ZFP91: variants seen among roughly 807,000 people sequenced by gnomAD.
The protein encoded by ZFP91 is ZFP91 zinc finger protein, atypical E3 ubiquitin ligase, also known as E3 ubiquitin-protein ligase ZFP91.
ZFP91 carries 7 observed loss-of-function variants against 63.5 expected under a neutral mutation model. The ratio of observed to expected loss-of-function variants is 0.11; its 90% CI spans 0.06 to 0.21. The LOEUF (loss-of-function observed/expected upper bound fraction) is 0.21. ZFP91 is among the 10% of genes least tolerant of loss of function. ZFP91 has a pLI of 1.00. For missense variants in ZFP91, 628 were observed against 736.6 expected, an observed-to-expected ratio of 0.85 and a Z score of 1.71; for synonymous variants, 330 against 272.1, an observed-to-expected ratio of 1.21 and a Z score of -2.10.
chr11:58,606,073 G>GT (rs1289064724), intron 2 of ZFP91, among the ~76,000 whole-genome samples: 1 of 151,142 alleles, frequency 6.6e-6, no homozygotes, highest in Non-Finnish European at 1.5e-5. Flanking sequence ...TTCCTTTTTT[G>GT]TGGGGGGGGT....
intron 2 of ZFP91, among the ~76,000 whole-genome samples, chr11:58,591,495 G>A (rs889226673): frequency 5.3e-5 from 8 of 151,780 alleles, no homozygotes; most frequent in Non-Finnish European, 1.0e-4. Context: ...TACAATTTAG[G>A]GATCTTGGTA....
Position 58,617,819 on chromosome 11 carries a change from CT to C in ZFP91, c.*114del. The C allele has an allele frequency of 1.4e-6, 2 of 1,387,236 alleles. No individual in the cohort carries two copies. Among genetic ancestry groups the C allele is most frequent in the South Asian group, 1.8e-5 (1 of 54,636 alleles). The allele number at this position is 1,387,236 out of a possible 1,614,324, so 85.9% of individuals were successfully genotyped here. On this transcript the variant is annotated 3_prime_UTR_variant, in exon 11 of 11. Coordinates refer to ENST00000316059, the MANE Select transcript of ZFP91 (RefSeq NM_053023.5). The surrounding 1 kb of genome is among the most constrained non-coding windows in gnomAD (Gnocchi z 4.2). ...TCTAGTGAAATAACTGAAGGGCCTGCTCTTTCCATTGTGGATCACAGCACAC... is the reference window on the plus strand; with the variant it reads ...TCTAGTGAAATAACTGAAGGGCCTGCCTTTCCATTGTGGATCACAGCACAC...
chr11:58,586,765 C>A (rs1855217344), intron 2 of ZFP91, among the ~76,000 whole-genome samples: 1 of 152,168 alleles, frequency 6.6e-6, no homozygotes, highest in Non-Finnish European at 1.5e-5. Context: ...CATTTAACTT[C>A]TCAGTTATTC....
At chr11:58,597,545 G>C (rs1408364391) in intron 2 of ZFP91, among the ~76,000 whole-genome samples, 1 of 152,052 alleles carries the variant, frequency 6.6e-6, no homozygotes, top group Non-Finnish European at 1.5e-5. Context: ...ATTCTTTGCT[G>C]ACATTAAATT....
intron 2 of ZFP91, among the ~76,000 whole-genome samples, chr11:58,586,393 C>T (rs1011805615): frequency 1.3e-5 from 2 of 151,604 alleles, no homozygotes; most frequent in East Asian, 1.9e-4. Flanking sequence ...GATTCGAGCT[C>T]CTGGCCTCAA....
At chr11:58,596,129 AAATAATCTGG>A (rs1855397424) in intron 2 of ZFP91, among the ~76,000 whole-genome samples, 1 of 152,174 alleles carries the variant, frequency 6.6e-6, no homozygotes, top group Non-Finnish European at 1.5e-5. Context: ...TCTTACAGTA[AAATAATCTGG>A]AGAGAAGAAA....
In ZFP91 at chr11:58,617,972, A is replaced by G. The variant is rs1554959438; in HGVS notation, c.*266A>G. On this transcript the variant is annotated 3_prime_UTR_variant, in exon 11 of 11. Coordinates refer to ENST00000316059, the MANE Select transcript of ZFP91 (RefSeq NM_053023.5). This position sits in a 1 kb window ranked among gnomAD's most constrained non-coding sequence, Gnocchi z 4.2. ...AGCAGCAGCTCTTAAAGTGAGGGTT[A>G]TTCTCATACTCGGTTCCAGCCATCA... is the stretch of plus-strand genomic sequence containing the variant. The G allele has an allele frequency of 5.9e-6, 2 of 341,364 alleles. No individual in the cohort carries two copies. Among genetic ancestry groups the G allele is most frequent in the East Asian group, 4.9e-5 (1 of 20,342 alleles). 21.1% of individuals were successfully genotyped at this position (341,364 alleles called of 1,614,324 possible).
intron 2 of ZFP91, among the ~76,000 whole-genome samples, chr11:58,600,040 C>G (rs1270900798): frequency 6.6e-6 from 1 of 152,000 alleles, no homozygotes; most frequent in African/African-American, 2.4e-5. Flanking sequence ...TTAGTTGATT[C>G]AATTATTATT....
At chr11:58,596,082 A>G (rs1385135174) in intron 2 of ZFP91, among the ~76,000 whole-genome samples, 1 of 152,220 alleles carries the variant, frequency 6.6e-6, no homozygotes, top group Non-Finnish European at 1.5e-5. Flanking sequence ...CATAAAGTCA[A>G]CTAATTCATA....
intron 2 of ZFP91, among the ~76,000 whole-genome samples, chr11:58,587,676 ATAAAG>A (rs1338445660): frequency 3.9e-5 from 6 of 152,108 alleles, no homozygotes; most frequent in Admixed American, 1.3e-4. Context: ...TACTTTGATT[ATAAAG>A]TAAAAGAATA....
intron 2 of ZFP91, among the ~76,000 whole-genome samples, chr11:58,606,598 A>T (rs1855573831): frequency 6.6e-6 from 1 of 152,098 alleles, no homozygotes; most frequent in African/African-American, 2.4e-5. Flanking sequence ...TGATCCCATC[A>T]TGCAGGTACT....
chr11:58,581,032 C>T (rs535176311), intron 1 of ZFP91, among the ~76,000 whole-genome samples: 1 of 152,238 alleles, frequency 6.6e-6, no homozygotes, highest in African/African-American at 2.4e-5. Context: ...CCTTAGTTTC[C>T]TTACCTATAG....
chr11:58,609,739 T>A (rs1590627042), intron 2 of ZFP91, 91 bp from the exon 3 acceptor site: 1 of 1,114,990 alleles, frequency 9.0e-7, no homozygotes, highest in Non-Finnish European at 1.3e-6. Flanking sequence ...ATATTTAATT[T>A]ATCTTCAACT....
Position 58,619,603 on chromosome 11 carries a change from C to A in ZFP91, c.*1897C>A, listed in dbSNP as rs753919586. 6.6e-6 allele frequency: 1 copy of A among 152,530 alleles called. No homozygotes were observed. The highest frequency in any genetic ancestry group is 6.5e-5 in the Admixed American group (1 of 15,268). The allele number at this position is 152,530 out of a possible 1,614,324, so 9.4% of individuals were successfully genotyped here. A position where few individuals can be genotyped will look rare whatever the true frequency, so the allele number is the denominator to read the frequency against. On this transcript the variant is annotated 3_prime_UTR_variant, in exon 11 of 11. Coordinates refer to ENST00000316059, the MANE Select transcript of ZFP91 (RefSeq NM_053023.5). ...ATTTCTGAAAGAGGCTTACTTTATA[C>A]CAACTAGTGTCAGCATTTGGGATGC...
At chr11:58,609,561 G>A (rs972751953) in intron 2 of ZFP91, among the ~76,000 whole-genome samples, 8 of 152,158 alleles carry the variant, frequency 5.3e-5, no homozygotes, top group African/African-American at 1.9e-4. Flanking sequence ...TTACTTAAGT[G>A]TATTTTGCAT....
rs796950529 is a variant in ZFP91, at chr11:58,580,054, G to A, written c.341+432G>A. Among the ~76,000 whole-genome samples, 20 of 150,032 alleles carry A rather than the reference G, an allele frequency of 1.3e-4. 1 individual carries two copies. The highest frequency in any genetic ancestry group is 4.2e-4 in the African/African-American group (17 of 40,852). ...AAAAATGATTCCCCCCCGCCTTCGC[G>A]TTAGCTCAAGAGCCAGATGTACTAG... On this transcript the variant is annotated intron_variant, in intron 1 of 10. Coordinates refer to ENST00000316059, the MANE Select transcript of ZFP91 (RefSeq NM_053023.5).
intron 2 of ZFP91, among the ~76,000 whole-genome samples, chr11:58,605,739 G>A (rs1590624566): frequency 1.3e-5 from 2 of 152,056 alleles, no homozygotes; most frequent in African/African-American, 4.8e-5. Flanking sequence ...TCTAGGTGGG[G>A]ATCTCTTTCA....
At chr11:58,580,782 T>C (rs1475106197) in intron 1 of ZFP91, among the ~76,000 whole-genome samples, 1 of 152,244 alleles carries the variant, frequency 6.6e-6, no homozygotes, top group Non-Finnish European at 1.5e-5. Context: ...AATTTTTGAA[T>C]GTCAGCTAAG....
intron 2 of ZFP91, among the ~76,000 whole-genome samples, chr11:58,608,660 A>G (rs1315011301): frequency 6.6e-6 from 1 of 152,066 alleles, no homozygotes; most frequent in Admixed American, 6.6e-5. Flanking sequence ...GCTGGAGTGC[A>G]GTGGCGCAGT....
Sources: allele counts gnomAD v4.1 joint callset (sites outside exome capture counted in the v4.1 genomes callset), GRCh38; gene constraint gnomAD v4.1.1; non-coding constraint Gnocchi (gnomAD v3.1); transcripts MANE v1.5; gene names NCBI Gene and HGNC (gene_info 2026-07-23, HGNC 2026-07-21).